CD36: variants seen among roughly 807,000 people sequenced by gnomAD.
CD36 encodes the protein platelet glycoprotein 4.
A neutral mutation model predicts 55.2 loss-of-function variants in CD36; 119 were observed. The observed-to-expected ratio is 2.15, with a 90% CI of 1.86 to 2.51. CD36 has a LOEUF of 2.51. Ranked by LOEUF, CD36 falls within the 30% of genes most tolerant of loss-of-function variation. The pLI is 0.00. For synonymous variants in CD36, 186 were observed against 193.6 expected (o/e 0.96, Z 0.33); for missense variants, 819 against 555.5 (o/e 1.47, Z -4.77).
At position 80,656,658 on chromosome 7, in the gene CD36, G is replaced by C. The variant is rs370843596; in HGVS notation, c.239G>C (p.Ser80Thr). 3.9e-5 allele frequency: 63 copies of C among 1,613,632 alleles called. No homozygotes were observed. Among genetic ancestry groups the C allele is most frequent in the Non-Finnish European group, 5.3e-5 (63 of 1,179,770 alleles). Residue 80 changes from serine (S) to threonine (T), a missense_variant, in exon 4 of 15, where the codon AGC (serine) becomes ACC (threonine). By Grantham distance (58) the Ser-to-Thr change is moderately conservative. Coordinates refer to ENST00000447544, the MANE Select transcript of CD36 (RefSeq NM_001001548.3). ...VQNPQEVMMNSSNIQVKQRGP... is the reference protein window; with the variant it reads ...VQNPQEVMMNTSNIQVKQRGP... Reference sequence around the variant, plus strand: ...AATCCACAGGAAGTGATGATGAACAGCAGCAACATTCAAGTTAAGCAAAGA... The same window carrying C: ...AATCCACAGGAAGTGATGATGAACACCAGCAACATTCAAGTTAAGCAAAGA...
intron 1 of CD36, among the ~76,000 whole-genome samples, chr7:80,630,111 G>A (rs998665428): frequency 6.6e-6 from 1 of 151,910 alleles, no homozygotes; most frequent in African/African-American, 2.4e-5. Flanking sequence ...TTAATACTTA[G>A]GGTGCTAAAT....
At chr7:80,635,410 G>A (rs1362565259), upstream of CD36, among the ~76,000 whole-genome samples, 1 of 151,930 alleles carries the variant, frequency 6.6e-6, no homozygotes, top group African/African-American at 2.4e-5. Context: ...GAGTAGTTGG[G>A]ATTACAGGCA....
At position 80,678,503 on chromosome 7, in the gene CD36, G is replaced by A. The variant is rs1798229749; in HGVS notation, c.*2120G>A. 1.3e-5 allele frequency: 2 copies of A among 151,976 alleles called. No individual in the cohort carries two copies. Among genetic ancestry groups the A allele is most frequent in the South Asian group, 4.1e-4 (2 of 4,820 alleles). The allele number at this position is 151,976 out of a possible 1,614,324, so 9.4% of individuals were successfully genotyped here. A position where few individuals can be genotyped will look rare whatever the true frequency, so the allele number is the denominator to read the frequency against. ...TTCTGACAGAAAAGGGTGAAGGAGG[G>A]TATCATTTCAAGAAAAAAAATAGCT... On this transcript the variant is annotated 3_prime_UTR_variant, in exon 15 of 15. Coordinates refer to ENST00000447544, the MANE Select transcript of CD36 (RefSeq NM_001001548.3).
chr7:80,650,878 C>T lies in CD36; in HGVS notation c.120+4018C>T, dbSNP rs374053606. Reference sequence around the variant, plus strand: ...AATCTTTCTTACCAGTATTTTTGACCGTGATTCTTAATAGAGTTGTGTGCA... The same window carrying T: ...AATCTTTCTTACCAGTATTTTTGACTGTGATTCTTAATAGAGTTGTGTGCA... On this transcript the variant is annotated intron_variant, in intron 3 of 14. Coordinates refer to ENST00000447544, the MANE Select transcript of CD36 (RefSeq NM_001001548.3). Among the ~76,000 whole-genome samples the T allele has an allele frequency of 1.0e-4, 15 of 147,668 alleles. 1 individual carries two copies. The highest frequency in any genetic ancestry group is 6.4e-4 in the South Asian group (3 of 4,670).
chr7:80,625,447 G>A (rs879472361), intron 1 of CD36, among the ~76,000 whole-genome samples: 33 of 152,130 alleles, frequency 2.2e-4, no homozygotes, highest in Non-Finnish European at 3.2e-4. Context: ...ATGGTTTGCC[G>A]CAGTGGGCAT....
At position 80,627,263 on chromosome 7, in the gene CD36, T is replaced by C. The variant is rs146611694; in HGVS notation, c.-183-18825T>C. On this transcript the variant is annotated intron_variant, in intron 1 of 13. Transcript: ENST00000309881. Reference sequence around the variant, plus strand: ...AAATGATGAAGTTATTTTTGAATCCTCTAGTACATCAGTTCAACTAGGCTA... The same window carrying C: ...AAATGATGAAGTTATTTTTGAATCCCCTAGTACATCAGTTCAACTAGGCTA... Among the ~76,000 whole-genome samples the C allele has an allele frequency of 9.9e-4, 151 of 152,224 alleles. 1 individual carries two copies. The highest frequency in any genetic ancestry group is 3.5e-3 in the African/African-American group (145 of 41,556).
intron 4 of CD36, among the ~76,000 whole-genome samples, chr7:80,657,702 ACACTACCTTAAC>A (rs1796201346): frequency 6.6e-6 from 1 of 152,148 alleles, no homozygotes; most frequent in Admixed American, 6.5e-5. Flanking sequence ...GGTGCCAAAA[ACACTACCTTAAC>A]CAAGGATTAG....
Position 80,672,840 on chromosome 7 carries a change from T to C in CD36, c.1196T>C (p.Ile399Thr). 7.5e-6 allele frequency: 12 copies of C among 1,605,946 alleles called. No homozygotes were observed. The highest frequency in any genetic ancestry group is 8.5e-6 in the Non-Finnish European group (10 of 1,173,706). ...CTATTGGTCAAGCCATCAGAAAAAA[T>C]TCAGTGAGTCTCTTGAAAATGGTTA... ...VNLLVKPSEK[I>T]QVLKNLKRNY... is the part of the protein sequence containing the mutation. The change falls in exon 12 of 15, where the codon ATT becomes ACT. Residue 399 changes from isoleucine (I) to threonine (T), a missense_variant. By Grantham distance (89) the Ile-to-Thr change is moderately conservative (BLOSUM62 -1). Coordinates refer to ENST00000447544, the MANE Select transcript of CD36 (RefSeq NM_001001548.3).
At chr7:80,619,819 G>T (rs1562773721) in intron 1 of CD36, among the ~76,000 whole-genome samples, 1 of 152,086 alleles carries the variant, frequency 6.6e-6, no homozygotes, top group South Asian at 2.1e-4. Flanking sequence ...ACAGGAGTTT[G>T]GAAGAAGTTG....
In CD36 at chr7:80,609,138, G is replaced by A. The variant is rs139936989; in HGVS notation, c.-184+6759G>A. On this transcript the variant is annotated intron_variant, in intron 1 of 13. Coordinates refer to the CD36 transcript ENST00000309881. Reference sequence around the variant, plus strand: ...AGAGAATGAATTCCAGGTAATCAAGGCACACATACAATATAAAGTTTGGTA... The same window carrying A: ...AGAGAATGAATTCCAGGTAATCAAGACACACATACAATATAAAGTTTGGTA... Among the ~76,000 whole-genome samples the A allele has an allele frequency of 2.8e-3, 433 of 152,134 alleles. 1 individual carries two copies. Among genetic ancestry groups the A allele is most frequent in the Non-Finnish European group, 4.4e-3 (297 of 67,992 alleles).
intron 1 of CD36, among the ~76,000 whole-genome samples, chr7:80,615,550 T>C (rs905355032): frequency 3.9e-5 from 6 of 152,226 alleles, no homozygotes; most frequent in Admixed American, 2.0e-4. Context: ...CTTCTGTTAT[T>C]TTACAATCTA....
At chr7:80,657,883 G>A (rs1033873585) in intron 4 of CD36, among the ~76,000 whole-genome samples, 1 of 152,100 alleles carries the variant, frequency 6.6e-6, no homozygotes, top group Admixed American at 6.6e-5. Flanking sequence ...TTTATAATTT[G>A]TAGTTTTAGC....
rs1798243099 is a variant in CD36, at chr7:80,678,825, A to T, written c.*2442A>T. ...CGTCACTGCACTCCAGCCTGGTGAC[A>T]GAGCGAGATTCCATCTCAAAAAAAA... On this transcript the variant is annotated 3_prime_UTR_variant, in exon 15 of 15. Transcript: ENST00000447544. The T allele has an allele frequency of 1.3e-5, 2 of 149,742 alleles. No homozygotes were observed. Among genetic ancestry groups the T allele is most frequent in the Non-Finnish European group, 3.0e-5 (2 of 67,452 alleles). 9.3% of individuals were successfully genotyped at this position (149,742 alleles called of 1,614,324 possible).
intron 1 of CD36, among the ~76,000 whole-genome samples, chr7:80,640,648 C>A (rs867845442): frequency 6.6e-6 from 1 of 151,852 alleles, no homozygotes; most frequent in African/African-American, 2.4e-5. Context: ...GCATTCTTGT[C>A]TAAGGTTCAA....
At chr7:80,648,617 T>C (rs955664339) in intron 3 of CD36, among the ~76,000 whole-genome samples, 2 of 152,072 alleles carry the variant, frequency 1.3e-5, no homozygotes, top group Non-Finnish European at 2.9e-5. Flanking sequence ...GAGAATAATA[T>C]AATCTCATCT....
chr7:80,622,465 C>A (rs1244058005), intron 1 of CD36, among the ~76,000 whole-genome samples: 1 of 152,076 alleles, frequency 6.6e-6, no homozygotes, highest in African/African-American at 2.4e-5. Context: ...AACATTACAG[C>A]AGAACTTGGA....
chr7:80,668,050 G>A (rs1407540906), intron 8 of CD36, among the ~76,000 whole-genome samples: 2 of 151,992 alleles, frequency 1.3e-5, no homozygotes, highest in African/African-American at 4.8e-5. Context: ...CCTGGCCAAG[G>A]CTTTGCAGGG....
chr7:80,606,181 C>G (rs1792540545), intron 1 of CD36, among the ~76,000 whole-genome samples: 1 of 152,062 alleles, frequency 6.6e-6, no homozygotes, highest in Non-Finnish European at 1.5e-5. Flanking sequence ...ACGTAAATAA[C>G]TTAGATACAT....
At chr7:80,672,964 G>A (rs1458871764) in intron 12 of CD36, 121 bp downstream of exon 12, 4 of 720,084 alleles carry the variant, frequency 5.6e-6, no homozygotes, top group African/African-American at 1.8e-5. Flanking sequence ...CTTATCTTTA[G>A]CTTAATGTCA....
Sources: allele counts gnomAD v4.1 joint callset (sites outside exome capture counted in the v4.1 genomes callset), GRCh38; gene constraint gnomAD v4.1.1; transcripts MANE v1.5; gene names NCBI Gene and HGNC (gene_info 2026-07-23, HGNC 2026-07-21).